Variants in RELN observed in about 807,000 individuals in gnomAD.
The protein encoded by RELN is reelin.
In RELN, 108 loss-of-function variants were observed where a neutral mutation model predicts 427.6. The observed-to-expected ratio is 0.25, with a 90% CI of 0.22 to 0.30. The LOEUF is 0.30. Ranked by LOEUF, RELN falls within the 10% of genes least tolerant of loss-of-function variation. The probability of loss-of-function intolerance (pLI) is 1.00; values close to 1 mark genes in which losing one functional copy is unlikely to be tolerated. For synonymous variants in RELN, 1,524 were observed against 1,513.4 expected (o/e 1.01, Z -0.16); for missense variants, 3,715 against 4,302.8 (o/e 0.86, Z 3.82).
intron 36 of RELN, 120 bp from the exon 37 acceptor site, chr7:103,558,169 A>C (rs1189451357): frequency 1.5e-6 from 1 of 651,918 alleles, no homozygotes; most frequent in African/African-American, 1.8e-5. Context: ...ATCAAGAAGC[A>C]AATTTTGCCT....
Position 103,661,402 on chromosome 7 carries a change from C to A in RELN, c.1415G>T (p.Gly472Val). 1 of 1,613,890 alleles carries A rather than the reference C, an allele frequency of 6.2e-7. No homozygotes were observed. Reference protein sequence around the residue: ...CTPSMDTTGYGNLRFYFVMGG... With the variant: ...CTPSMDTTGYVNLRFYFVMGG... ...CATCACAAAGTAAAACCTCAGGTTC[C>A]CATAACCGGTAGTGTCCATGGATGG... Residue 472 changes from glycine to valine, a missense_variant, in exon 12 of 65, where the codon GGG (glycine) becomes GTG (valine). By Grantham distance (109) the Gly-to-Val change is moderately radical. Transcript: ENST00000428762.
chr7:103,473,310 G>A (rs74761199), intron 64 of RELN, among the ~76,000 whole-genome samples: 2,448 of 152,210 alleles, frequency 0.016, 20 homozygotes, highest in Admixed American at 0.028. Flanking sequence ...TAACAAGTAG[G>A]AAAAATAATT....
chr7:103,786,281 A>C (rs1025666280), intron 3 of RELN, among the ~76,000 whole-genome samples: 1 of 152,012 alleles, frequency 6.6e-6, no homozygotes, highest in Non-Finnish European at 1.5e-5. Flanking sequence ...ATACCCTTGT[A>C]GTTTTTAAAA....
At chr7:103,752,513 A>G (rs1791029272) in intron 5 of RELN, among the ~76,000 whole-genome samples, 1 of 151,932 alleles carries the variant, frequency 6.6e-6, no homozygotes, top group Admixed American at 6.6e-5. Flanking sequence ...GGTTTACATG[A>G]TCCTCCCATC....
rs749610236 is a variant in RELN, at chr7:103,575,608, A to T, written c.4243T>A (p.Tyr1415Asn). The change falls in exon 29 of 65, where the codon TAC becomes AAC. Residue 1415 changes from tyrosine to asparagine, a missense_variant. Transcript: ENST00000428762. ...ATGCAGTCCCCATGGCCACTGCAGT[A>T]ACTGGGACAAGGCTCGGATATGTAC... ...GVYISEPCPS[Y>N]CSGHGDCISG... 2 of 1,614,172 alleles carry T rather than the reference A, an allele frequency of 1.2e-6. No homozygotes were observed.
At chr7:103,575,446 A>C (rs958958231) in intron 29 of RELN, 102 bp downstream of exon 29, 7 of 1,304,046 alleles carry the variant, frequency 5.4e-6, no homozygotes, top group Non-Finnish European at 7.8e-6. Flanking sequence ...CTTAAAGAGG[A>C]ATAAATTCAG....
At chr7:103,665,685 G>A (rs922928757) in intron 11 of RELN, among the ~76,000 whole-genome samples, 5 of 152,028 alleles carry the variant, frequency 3.3e-5, no homozygotes, top group Admixed American at 3.3e-4. Flanking sequence ...GTGTATGTAG[G>A]TATAGGTTTA....
intron 48 of RELN, among the ~76,000 whole-genome samples, chr7:103,521,287 T>G (rs1414024456): frequency 6.6e-6 from 1 of 152,204 alleles, no homozygotes; most frequent in Admixed American, 6.5e-5. Context: ...CCAAATTTGT[T>G]ATTTTAAAAC....
intron 4 of RELN, among the ~76,000 whole-genome samples, chr7:103,755,607 CA>C (rs1162038018): frequency 3.7e-4 from 20 of 53,934 alleles, no homozygotes; most frequent in South Asian, 2.6e-3. Context: ...GACTCTGTCT[CA>C]AAAAAAAAAT....
At chr7:103,810,219 C>T (rs955079226) in intron 3 of RELN, among the ~76,000 whole-genome samples, 17 of 152,066 alleles carry the variant, frequency 1.1e-4, no homozygotes, top group African/African-American at 3.9e-4. Flanking sequence ...CTGACATGCC[C>T]GGGGCGTCTT....
At chr7:103,798,517 G>A (rs1183034269) in intron 3 of RELN, among the ~76,000 whole-genome samples, 1 of 152,138 alleles carries the variant, frequency 6.6e-6, no homozygotes, top group South Asian at 2.1e-4. Flanking sequence ...CCAGGAAGAA[G>A]AATATAGCGG....
At chr7:103,514,776 A>G (rs971256843) in intron 50 of RELN, among the ~76,000 whole-genome samples, 75 of 152,196 alleles carry the variant, frequency 4.9e-4, no homozygotes, top group African/African-American at 1.7e-3. Context: ...ATGAAATGCC[A>G]TTACAAATGT....
rs779014769 is a variant in RELN at position 103,651,764 on chromosome 7, G to T, written c.1789C>A (p.His597Asn). Residue 597 changes from histidine (H) to asparagine (N), a missense_variant, in exon 15 of 65, where the codon CAT (histidine) becomes AAT (asparagine). Around this residue, in one of 4 missense-constraint regions of RELN, gnomAD observed 2,208 missense variants for 2,361.7 expected, o/e 0.93. Coordinates refer to ENST00000428762, the MANE Select transcript of RELN (RefSeq NM_005045.4). ...TGAAGGAGGGACCAGGAGCGCCCATGGTTGGTAGAAAATTCCAAGCTGACA... is the reference window on the plus strand; with the variant it reads ...TGAAGGAGGGACCAGGAGCGCCCATTGTTGGTAGAAAATTCCAAGCTGACA... ...NSVSLEFSTN[H>N]GRSWSLLHTE... 6.2e-7 allele frequency: 1 copy of T among 1,611,786 alleles called. No homozygotes were observed. Among genetic ancestry groups the T allele is most frequent in the Non-Finnish European group, 8.5e-7 (1 of 1,178,668 alleles).
intron 20 of RELN, among the ~76,000 whole-genome samples, chr7:103,618,610 G>A (rs1412750032): frequency 2.0e-5 from 3 of 151,976 alleles, no homozygotes; most frequent in Non-Finnish European, 2.9e-5. Context: ...TATACTTTTT[G>A]TTCTTAGCAC....
At chr7:103,599,819 T>C (rs184541478) in intron 24 of RELN, among the ~76,000 whole-genome samples, 1 of 152,312 alleles carries the variant, frequency 6.6e-6, no homozygotes, top group Non-Finnish European at 1.5e-5. Flanking sequence ...ATAAGCTATG[T>C]AGTTAGAGCA....
At position 103,675,007 on chromosome 7, in the gene RELN, A is replaced by AC. The variant is rs1440435182; in HGVS notation, c.1289+7108_1289+7109insG. On this transcript the variant is annotated intron_variant, in intron 11 of 64. Coordinates refer to ENST00000428762, the MANE Select transcript of RELN (RefSeq NM_005045.4). ...AGAGATGCCCTCTCTCACCACTCCT[A>AC]TTCAACATAGTGTTGGAAGTTCTGG... Among the ~76,000 whole-genome samples the AC allele has an allele frequency of 2.3e-4, 35 of 152,340 alleles. 1 individual carries two copies. Among genetic ancestry groups the AC allele is most frequent in the African/African-American group, 8.4e-4 (35 of 41,586 alleles).
intron 34 of RELN, among the ~76,000 whole-genome samples, chr7:103,564,525 G>A (rs1363133196): frequency 6.6e-6 from 1 of 152,216 alleles, no homozygotes; most frequent in Non-Finnish European, 1.5e-5. Context: ...TAGAGCCACA[G>A]AAGTTGGCCA....
chr7:103,922,288 A>AT (rs1795631712), intron 1 of RELN, among the ~76,000 whole-genome samples: 1 of 152,098 alleles, frequency 6.6e-6, no homozygotes, highest in African/African-American at 2.4e-5. Context: ...TTTTAGTTGG[A>AT]TTTTACATTT....
At chr7:103,878,897 C>T (rs909817570) in intron 2 of RELN, among the ~76,000 whole-genome samples, 1 of 152,166 alleles carries the variant, frequency 6.6e-6, no homozygotes, top group African/African-American at 2.4e-5. Flanking sequence ...GGCAGATAAT[C>T]AGAGTTTGGT....
Sources: allele counts gnomAD v4.1 joint callset (sites outside exome capture counted in the v4.1 genomes callset), GRCh38; gene constraint gnomAD v4.1.1; regional missense constraint gnomAD v4.1.1; transcripts MANE v1.5; gene names NCBI Gene and HGNC (gene_info 2026-07-23, HGNC 2026-07-21).